CHCHD6: variants seen among roughly 807,000 people sequenced by gnomAD.
CHCHD6 encodes the protein coiled-coil-helix-coiled-coil-helix domain containing 6.
Under a neutral mutation model 32.3 loss-of-function variants are expected in CHCHD6, and 28 were observed. That is an observed-to-expected ratio of 0.87 (90% CI 0.64 to 1.19). The LOEUF is 1.19. Ranked by LOEUF, CHCHD6 falls within the 50% of genes most tolerant of loss-of-function variation. CHCHD6 has a pLI of 0.00. For missense variants in CHCHD6, 333 were observed against 307.0 expected, an observed-to-expected ratio of 1.08 and a Z score of -0.63; for synonymous variants, 122 against 117.5, an observed-to-expected ratio of 1.04 and a Z score of -0.25.
chr3:126,753,814 G>A (rs1383951453), intron 4 of CHCHD6, among the ~76,000 whole-genome samples: 2 of 152,228 alleles, frequency 1.3e-5, no homozygotes, highest in African/African-American at 4.8e-5. Context: ...AAGGGCTGTG[G>A]TGGGCACATG....
rs1411336280 is a variant in CHCHD6, at chr3:126,943,463, G to A, written c.567-13953G>A. ...AGGTGTCTTGCCAGACCCCAGTAGC[G>A]GGTGGCTGACCCTGTGGTTGTTCTA... On this transcript the variant is annotated intron_variant, in intron 6 of 7. Transcript: ENST00000290913. 4.6e-5 allele frequency among the ~76,000 whole-genome samples: 7 copies of A among 152,178 alleles called. 1 individual carries two copies. The highest frequency in any genetic ancestry group is 2.4e-5 in the African/African-American group (1 of 41,432).
intron 1 of CHCHD6, among the ~76,000 whole-genome samples, chr3:126,710,798 G>A (rs1037012828): frequency 6.6e-6 from 1 of 152,134 alleles, no homozygotes. Context: ...AACCTCGTTA[G>A]GCTCATTTAT....
intron 4 of CHCHD6, among the ~76,000 whole-genome samples, chr3:126,784,629 C>T (rs1003849842): frequency 4.9e-4 from 74 of 152,256 alleles, no homozygotes; most frequent in Admixed American, 3.3e-3. Flanking sequence ...ATATAATTTT[C>T]CCACAGAAAC....
At chr3:126,760,345 T>C (rs1292296295) in intron 4 of CHCHD6, among the ~76,000 whole-genome samples, 1 of 152,200 alleles carries the variant, frequency 6.6e-6, no homozygotes, top group African/African-American at 2.4e-5. Context: ...AAAATATATA[T>C]AAAATAAAAT....
At chr3:126,781,872 A>G (rs868425950) in intron 4 of CHCHD6, among the ~76,000 whole-genome samples, 22 of 152,264 alleles carry the variant, frequency 1.4e-4, no homozygotes, top group Middle Eastern at 6.8e-3. Context: ...TCTTGCAGCA[A>G]ACAGTATTAG....
At chr3:126,830,708 C>T (rs1287777811) in intron 4 of CHCHD6, among the ~76,000 whole-genome samples, 1 of 152,218 alleles carries the variant, frequency 6.6e-6, no homozygotes, top group Non-Finnish European at 1.5e-5. Flanking sequence ...TCATCTCTTG[C>T]AGTCTACTTT....
intron 5 of CHCHD6, among the ~76,000 whole-genome samples, chr3:126,872,594 G>A (rs1376474658): frequency 1.3e-5 from 2 of 152,140 alleles, no homozygotes; most frequent in Admixed American, 1.3e-4. Context: ...TGGATTCCTT[G>A]CACTCTTTCT....
intron 5 of CHCHD6, among the ~76,000 whole-genome samples, chr3:126,876,896 G>A (rs947533436): frequency 3.3e-5 from 5 of 152,164 alleles, no homozygotes; most frequent in South Asian, 2.1e-4. Flanking sequence ...AGCAGCCAGC[G>A]GACTCAGCAG....
chr3:126,809,792 G>A (rs1050913842), intron 4 of CHCHD6, among the ~76,000 whole-genome samples: 1 of 152,078 alleles, frequency 6.6e-6, no homozygotes, highest in African/African-American at 2.4e-5. Flanking sequence ...AGCATTAATG[G>A]TTTCATCATT....
At chr3:126,809,341 T>G (rs1455530385) in intron 4 of CHCHD6, among the ~76,000 whole-genome samples, 1 of 152,206 alleles carries the variant, frequency 6.6e-6, no homozygotes, top group Non-Finnish European at 1.5e-5. Context: ...GTGCTTGTCT[T>G]CAGGATTGTA....
At chr3:126,914,882 G>A in intron 6 of CHCHD6, 132 bp downstream of exon 6, 1 of 666,708 alleles carries the variant, frequency 1.5e-6, no homozygotes, top group South Asian at 1.7e-5. Context: ...CTGTTCCTCA[G>A]CTCTCTCACC....
chr3:126,866,213 C>T (rs1325590271), intron 5 of CHCHD6, among the ~76,000 whole-genome samples: 5 of 152,094 alleles, frequency 3.3e-5, no homozygotes, highest in African/African-American at 1.2e-4. Flanking sequence ...CAGACTATAC[C>T]TGTCTGTCTC....
intron 4 of CHCHD6, among the ~76,000 whole-genome samples, chr3:126,781,585 G>A (rs1381946563): frequency 6.6e-6 from 1 of 152,202 alleles, no homozygotes; most frequent in Non-Finnish European, 1.5e-5. Flanking sequence ...GGCATCAGGC[G>A]AGGGGTCAGG....
intron 5 of CHCHD6, among the ~76,000 whole-genome samples, chr3:126,861,126 C>T (rs1223617173): frequency 6.6e-6 from 1 of 152,116 alleles, no homozygotes; most frequent in East Asian, 1.9e-4. Flanking sequence ...TACAGGCTAG[C>T]CTGCTGTAAC....
chr3:126,935,602 G>T (rs2078468537), intron 6 of CHCHD6, among the ~76,000 whole-genome samples: 1 of 152,226 alleles, frequency 6.6e-6, no homozygotes, highest in Admixed American at 6.5e-5. Flanking sequence ...TCAAAACCGT[G>T]TGCGGCTTAG....
chr3:126,956,239 A>G (rs1398530151), intron 6 of CHCHD6, among the ~76,000 whole-genome samples: 1 of 152,096 alleles, frequency 6.6e-6, no homozygotes, highest in Non-Finnish European at 1.5e-5. Context: ...CTACATTTTT[A>G]CAGCTCTTTT....
intron 4 of CHCHD6, among the ~76,000 whole-genome samples, chr3:126,835,548 G>A (rs937903362): frequency 2.6e-5 from 4 of 152,172 alleles, no homozygotes. Flanking sequence ...CTCAGTTCAT[G>A]AATTTCCCAC....
intron 4 of CHCHD6, among the ~76,000 whole-genome samples, chr3:126,734,616 TGGA>T (rs956385849): frequency 3.3e-5 from 5 of 152,210 alleles, no homozygotes; most frequent in Admixed American, 6.5e-5. Context: ...TTTTAGTCTG[TGGA>T]GAAGACAAAC....
intron 2 of CHCHD6, among the ~76,000 whole-genome samples, chr3:126,729,304 A>T (rs548365320): frequency 1.4e-4 from 22 of 152,252 alleles, no homozygotes; most frequent in African/African-American, 4.8e-4. Flanking sequence ...ATGTGCACAG[A>T]TGGCCATACT....
Sources: allele counts gnomAD v4.1 joint callset (sites outside exome capture counted in the v4.1 genomes callset), GRCh38; gene constraint gnomAD v4.1.1; transcripts MANE v1.5; gene names NCBI Gene and HGNC (gene_info 2026-07-23, HGNC 2026-07-21).